The following DIXDC1 variants were observed in gnomAD, a reference collection of about 807,000 sequenced individuals.
The protein encoded by DIXDC1 is dixin.
A neutral mutation model predicts 103.1 loss-of-function variants in DIXDC1; 64 were observed. The observed-to-expected ratio is 0.62, with a 90% CI of 0.51 to 0.76. The LOEUF is 0.76. DIXDC1 is among the 30% of genes least tolerant of loss of function. DIXDC1 has a pLI of 0.00. For missense variants in DIXDC1, 759 were observed against 834.2 expected (o/e 0.91, Z 1.11); for synonymous variants, 266 against 298.5 (o/e 0.89, Z 1.12).
At position 112,021,263 on chromosome 11, in the gene DIXDC1, T is replaced by A. The variant is rs1555178446; in HGVS notation, c.*2227T>A. On this transcript the variant is annotated 3_prime_UTR_variant, in exon 20 of 20. Coordinates refer to ENST00000440460, the MANE Select transcript of DIXDC1 (RefSeq NM_001037954.4). The stretch of plus-strand genomic sequence containing the variant: ...AGTTCATGGGAGAACATTAAGATCG[T>A]TTTTTTTCCCTTTTAGCTCGGTAAT... The A allele has an allele frequency of 6.6e-6, 1 of 151,954 alleles. No individual in the cohort carries two copies. The highest frequency in any genetic ancestry group is 2.4e-5 in the African/African-American group (1 of 41,352). The allele number at this position is 151,954 out of a possible 1,614,324, so 9.4% of individuals were successfully genotyped here.
chr11:111,938,440 C>T (rs587662509), intron 1 of DIXDC1, among the ~76,000 whole-genome samples: 2 of 152,244 alleles, frequency 1.3e-5, no homozygotes, highest in South Asian at 4.1e-4. Context: ...CTCTCTCGCT[C>T]CTTTTCCTTC....
chr11:111,995,614 G>T (rs1555175312), intron 16 of DIXDC1, 50 bp downstream of exon 16: 10 of 1,600,798 alleles, frequency 6.2e-6, no homozygotes, highest in Non-Finnish European at 7.7e-6. Flanking sequence ...TGAGAAAGCT[G>T]GGTTTTAAGA....
intron 14 of DIXDC1, among the ~76,000 whole-genome samples, chr11:111,994,596 A>G (rs1304482261): frequency 2.0e-5 from 3 of 147,424 alleles, no homozygotes; most frequent in Non-Finnish European, 3.0e-5. Context: ...TTATGTATGT[A>G]TATGTATGTA....
intron 1 of DIXDC1, among the ~76,000 whole-genome samples, chr11:111,947,311 AC>A (rs1316563569): frequency 4.6e-5 from 7 of 152,210 alleles, no homozygotes; most frequent in African/African-American, 1.7e-4. Context: ...CTACTAGTCC[AC>A]CTTTCAGAGA....
chr11:111,972,484 A>C (rs146388208), intron 3 of DIXDC1, among the ~76,000 whole-genome samples: 14 of 152,164 alleles, frequency 9.2e-5, no homozygotes, highest in Admixed American at 4.6e-4. Context: ...TGCTCTCCAC[A>C]CTGCAGTCAG....
intron 9 of DIXDC1, among the ~76,000 whole-genome samples, chr11:111,987,538 C>T (rs1860535090): frequency 6.6e-6 from 1 of 151,966 alleles, no homozygotes; most frequent in South Asian, 2.1e-4. Flanking sequence ...ATAAATACTT[C>T]TCAGAATTCT....
At chr11:111,993,882 A>G in intron 14 of DIXDC1, 142 bp downstream of exon 14, 1 of 940,706 alleles carries the variant, frequency 1.1e-6, no homozygotes, top group African/African-American at 1.7e-5. Flanking sequence ...AGGTTCCAGA[A>G]TAAGAAAATC....
intron 17 of DIXDC1, among the ~76,000 whole-genome samples, chr11:112,003,897 G>T (rs1861144552): frequency 6.6e-6 from 1 of 151,496 alleles, no homozygotes; most frequent in Non-Finnish European, 1.5e-5. Flanking sequence ...AATAACACGA[G>T]CCAGGCATGG....
At chr11:112,007,262 G>A (rs1555176703) in intron 17 of DIXDC1, among the ~76,000 whole-genome samples, 4 of 152,162 alleles carry the variant, frequency 2.6e-5, no homozygotes, top group African/African-American at 9.7e-5. Flanking sequence ...AGAGAGAAAA[G>A]AGTAAAAAGC....
At chr11:111,937,655 G>A (rs1204641237) in intron 1 of DIXDC1, 96 bp downstream of exon 1, 1 of 1,320,830 alleles carries the variant, frequency 7.6e-7, no homozygotes, top group Non-Finnish European at 1.1e-6. Flanking sequence ...ATCCTTTGGG[G>A]ACCCCAGAGC....
At chr11:112,016,854 A>G in intron 18 of DIXDC1, 58 bp downstream of exon 18, 3 of 1,432,104 alleles carry the variant, frequency 2.1e-6, no homozygotes, top group Non-Finnish European at 2.9e-6. Context: ...GCAGAACCTC[A>G]TTAGTTACTG....
intron 7 of DIXDC1, among the ~76,000 whole-genome samples, chr11:111,982,904 T>C (rs782761029): frequency 6.6e-6 from 1 of 152,238 alleles, no homozygotes; most frequent in Non-Finnish European, 1.5e-5. Context: ...TGCTGCCAGG[T>C]TTCCATTTGA....
At chr11:111,954,869 A>G (rs951565515) in intron 1 of DIXDC1, among the ~76,000 whole-genome samples, 5 of 152,164 alleles carry the variant, frequency 3.3e-5, no homozygotes, top group East Asian at 1.9e-4. Flanking sequence ...AGAGATATCA[A>G]TATAATTTAT....
At chr11:112,011,143 G>C (rs1170542048) in intron 17 of DIXDC1, among the ~76,000 whole-genome samples, 1 of 152,142 alleles carries the variant, frequency 6.6e-6, no homozygotes, top group Non-Finnish European at 1.5e-5. Flanking sequence ...AGTGGGCAAA[G>C]GATATGAATA....
At chr11:111,927,487 G>A (rs1417009446) in intron 1 of DIXDC1, 1 of 152,500 alleles carries the variant, frequency 6.6e-6, no homozygotes, top group African/African-American at 2.4e-5. Flanking sequence ...AAGTGGGTTA[G>A]AGGAGGCTAA....
At chr11:112,014,185 T>G (rs1264157461) in intron 17 of DIXDC1, among the ~76,000 whole-genome samples, 3 of 152,232 alleles carry the variant, frequency 2.0e-5, no homozygotes, top group African/African-American at 7.2e-5. Flanking sequence ...ACAGGATTTC[T>G]GGCTTCCAGT....
chr11:111,941,874 C>CACACACACA (rs1555168899), intron 1 of DIXDC1, among the ~76,000 whole-genome samples: 8 of 112,816 alleles, frequency 7.1e-5, no homozygotes, highest in African/African-American at 3.0e-4. Context: ...ACACACACAC[C>CACACACACA]CACGAAGAGT....
chr11:111,950,913 G>A (rs1258211622), intron 1 of DIXDC1, among the ~76,000 whole-genome samples: 1 of 152,086 alleles, frequency 6.6e-6, no homozygotes, highest in Non-Finnish European at 1.5e-5. Context: ...ACTTTAAAAT[G>A]TACAATATTA....
chr11:111,971,854 A>G (rs1859947425), intron 3 of DIXDC1, among the ~76,000 whole-genome samples: 3 of 152,290 alleles, frequency 2.0e-5, no homozygotes, highest in Middle Eastern at 6.8e-3. Flanking sequence ...TCCTAAGCAA[A>G]CTAATGCAGA....
Sources: allele counts gnomAD v4.1 joint callset (sites outside exome capture counted in the v4.1 genomes callset), GRCh38; gene constraint gnomAD v4.1.1; transcripts MANE v1.5; gene names NCBI Gene and HGNC (gene_info 2026-07-23, HGNC 2026-07-21).